Variants in PCDH11X observed in about 807,000 individuals in gnomAD.
The protein encoded by PCDH11X is protocadherin 11 X-linked, also known as protocadherin-11 X-linked.
Under a neutral mutation model 53.3 loss-of-function variants are expected in PCDH11X, and 18 were observed. The ratio of observed to expected loss-of-function variants is 0.34; its 90% confidence interval spans 0.23 to 0.50. PCDH11X has a LOEUF of 0.50. Among genes scored for constraint, PCDH11X ranks in the 20% least tolerant of loss-of-function variants. PCDH11X has a pLI of 0.98. For missense variants in PCDH11X, 570 were observed against 1,032.4 expected, an observed-to-expected ratio of 0.55 and a Z score of 6.14; for synonymous variants, 279 against 393.3, an observed-to-expected ratio of 0.71 and a Z score of 3.44.
intron 10 of PCDH11X, among the ~76,000 whole-genome samples, chrX:92,564,952 G>A (rs1431692584): frequency 9.1e-6 from 1 of 110,414 alleles, no homozygotes; most frequent in African/African-American, 3.3e-5. Context: ...GATAAAATAA[G>A]AACAGAAGAT....
chrX:92,151,323 G>T (rs2065430143), intron 6 of PCDH11X, among the ~76,000 whole-genome samples: 1 of 109,946 alleles, frequency 9.1e-6, no homozygotes, highest in Non-Finnish European at 1.9e-5. Context: ...CTTCCGAGTA[G>T]CTGGGACTAC....
intron 6 of PCDH11X, among the ~76,000 whole-genome samples, chrX:91,969,140 C>A (rs2061909449): frequency 9.1e-6 from 1 of 109,627 alleles, no homozygotes; most frequent in Non-Finnish European, 1.9e-5. Flanking sequence ...GGTATAATAC[C>A]AGACCTCTCA....
At chrX:91,913,684 T>C (rs1941459089) in intron 6 of PCDH11X, among the ~76,000 whole-genome samples, 1 of 111,357 alleles carries the variant, frequency 9.0e-6, no homozygotes, top group Non-Finnish European at 1.9e-5. Context: ...ACCCAACACC[T>C]GAGAAACCAA....
intron 9 of PCDH11X, among the ~76,000 whole-genome samples, chrX:92,433,755 A>G (rs192869577): frequency 8.9e-6 from 1 of 111,747 alleles, no homozygotes; most frequent in African/African-American, 3.2e-5. Flanking sequence ...AAGCTCCTTG[A>G]ATAGTGCTTG....
chrX:91,973,373 G>A (rs1486169978), intron 6 of PCDH11X, among the ~76,000 whole-genome samples: 1 of 98,757 alleles, frequency 1.0e-5, no homozygotes, highest in Non-Finnish European at 2.0e-5. Flanking sequence ...CACCAGCATG[G>A]CACATGTATA....
intron 6 of PCDH11X, among the ~76,000 whole-genome samples, chrX:91,927,926 G>A (rs923095560): frequency 7.2e-5 from 8 of 111,133 alleles, no homozygotes; most frequent in Middle Eastern, 4.7e-3. Context: ...TGTACTCAGG[G>A]CCCCATTGTT....
intron 8 of PCDH11X, among the ~76,000 whole-genome samples, chrX:92,278,914 C>A: frequency 9.5e-6 from 1 of 105,424 alleles, no homozygotes; most frequent in Admixed American, 1.0e-4. Context: ...TGGGTTCAAG[C>A]GAGTCTCCTG....
rs1430425811 is a variant in PCDH11X at position 92,590,169 on chromosome X, C to A, written c.3368-28095C>A. Among the ~76,000 whole-genome samples the A allele has an allele frequency of 7.3e-5, 8 of 109,967 alleles. No homozygotes were observed. In the South Asian group the frequency reaches 2.4e-3, roughly 33 times the overall value. ...AATGAGCACTCATTACCTGGCCACC[C>A]CCACCCCTTTCCCCAAACTGCCTTT... On this transcript the variant is annotated intron_variant, in intron 10 of 10. Transcript: ENST00000682573.
intron 7 of PCDH11X, among the ~76,000 whole-genome samples, chrX:92,224,551 C>T (rs1365828406): frequency 9.0e-6 from 1 of 111,300 alleles, no homozygotes; most frequent in African/African-American, 3.3e-5. Context: ...ACTGACAAGA[C>T]TGTGTTCATG....
chrX:92,382,253 A>T (rs1214535496), intron 8 of PCDH11X, among the ~76,000 whole-genome samples: 2 of 111,846 alleles, frequency 1.8e-5, no homozygotes, highest in African/African-American at 3.2e-5. Flanking sequence ...ATGACCCTAC[A>T]TATGATTACT....
rs190709148 is a variant in PCDH11X, at chrX:92,469,744, T to C, written c.3367+1422T>C. ...TATGAATTTATTTCTGGGTTTTCTA[T>C]TCTGTTCCGTTGGCCTATATGTCTG... On this transcript the variant is annotated intron_variant, in intron 10 of 10. Transcript: ENST00000682573. Among the ~76,000 whole-genome samples the C allele has an allele frequency of 1.9e-4, 21 of 111,516 alleles. No homozygotes were observed. The East Asian group carries it at 5.3e-3, about 28-fold the overall frequency.
intron 10 of PCDH11X, among the ~76,000 whole-genome samples, chrX:92,584,789 CTTTTTTT>C (rs1171667582): frequency 3.1e-5 from 2 of 65,113 alleles, no homozygotes; most frequent in Admixed American, 2.1e-4. Flanking sequence ...TCTTTTTTTC[CTTTTTTT>C]TTTTTTTTTT....
chrX:92,195,087 A>G (rs2148313771), intron 6 of PCDH11X, among the ~76,000 whole-genome samples: 1 of 111,601 alleles, frequency 9.0e-6, no homozygotes, highest in African/African-American at 3.2e-5. Flanking sequence ...TCACCCTAGC[A>G]GAAGAGCAAG....
intron 8 of PCDH11X, among the ~76,000 whole-genome samples, chrX:92,266,870 G>A (rs192447377): frequency 5.2e-4 from 57 of 108,995 alleles, no homozygotes; most frequent in Non-Finnish European, 8.0e-4. Context: ...TCAGCCTCCC[G>A]ATTAGCTGGG....
At chrX:92,311,947 TAGAAA>T (rs2068960217) in intron 8 of PCDH11X, among the ~76,000 whole-genome samples, 3 of 111,791 alleles carry the variant, frequency 2.7e-5, no homozygotes, top group African/African-American at 6.5e-5. Flanking sequence ...TATGACTTTT[TAGAAA>T]AGAAAAGAAA....
chrX:92,327,303 G>A (rs1289040360), intron 8 of PCDH11X, among the ~76,000 whole-genome samples: 1 of 84,766 alleles, frequency 1.2e-5, no homozygotes, highest in East Asian at 3.9e-4. Flanking sequence ...ACTTTGTGTT[G>A]TACTTTGAAA....
intron 8 of PCDH11X, among the ~76,000 whole-genome samples, chrX:92,369,502 C>T (rs1313788525): frequency 9.0e-6 from 1 of 110,960 alleles, no homozygotes; most frequent in South Asian, 3.8e-4. Flanking sequence ...GGCTTCAGCT[C>T]CCTTTCCAGG....
chrX:91,812,812 C>A (rs1394064575), intron 4 of PCDH11X, among the ~76,000 whole-genome samples: 6 of 111,370 alleles, frequency 5.4e-5, no homozygotes, highest in Non-Finnish European at 1.1e-4. Flanking sequence ...TTGTGCCTCG[C>A]AGTTCTTCCC....
intron 6 of PCDH11X, among the ~76,000 whole-genome samples, chrX:91,965,974 C>T (rs1449967748): frequency 9.0e-6 from 1 of 111,199 alleles, no homozygotes; most frequent in Admixed American, 9.6e-5. Flanking sequence ...GAGATGGGAG[C>T]TCAGTCTTAA....
Sources: gnomAD v4.1 joint callset for allele counts (sites outside exome capture counted in the v4.1 genomes callset) on GRCh38, gnomAD v4.1.1 for gene constraint, MANE v1.5 for transcripts, NCBI Gene and HGNC (gene_info 2026-07-23, HGNC 2026-07-21) for gene names.